Variants in SGO1 observed in about 807,000 individuals in gnomAD.
The protein encoded by SGO1 is serologically defined breast cancer antigen NY-BR-85.
SGO1 carries 39 observed loss-of-function variants against 50.5 expected under a neutral mutation model. The ratio of observed to expected loss-of-function variants is 0.77; its 90% CI spans 0.60 to 1.01. SGO1 has a LOEUF of 1.01. Among genes scored for constraint, SGO1 ranks in the 50% least tolerant of loss-of-function variants. SGO1 has a pLI of 0.00. For missense variants in SGO1, 638 were observed against 606.0 expected, an observed-to-expected ratio of 1.05 and a Z score of -0.55; for synonymous variants, 191 against 205.1, an observed-to-expected ratio of 0.93 and a Z score of 0.59.
chr3:20,161,883 A>T, intron 8 of SGO1, among the ~76,000 whole-genome samples: 1 of 152,228 alleles, frequency 6.6e-6, no homozygotes, highest in East Asian at 1.9e-4. Context: ...AAAGATGGAA[A>T]ATATTAATCA....
intron 6 of SGO1, 140 bp downstream of exon 6, chr3:20,174,109 C>T: frequency 1.4e-6 from 1 of 694,028 alleles, no homozygotes. Context: ...TTAATCAGAC[C>T]ATAACTTCCA....
rs779471839 is a variant in SGO1 at position 20,183,764 on chromosome 3, G to A, written c.183C>T (p.Asn61=). ...STLLKNYQDN[N]KMLVLALENE... ...TTTCCAAAGCTAAAACTAACATTTT[G>A]TTGTTGTCTTGGTAATTTTTCAGCA... The change falls in exon 3 of 8, where the codon AAC becomes AAT. Residue 61 remains asparagine (N), a synonymous_variant. Coordinates refer to ENST00000412997, the MANE Select transcript of SGO1 (RefSeq NM_001199251.3). 29 of 1,612,082 alleles carry A rather than the reference G, an allele frequency of 1.8e-5. No individual in the cohort carries two copies. Among genetic ancestry groups the A allele is most frequent in the Middle Eastern group, 3.3e-4 (2 of 6,050 alleles).
At chr3:20,164,017 T>C (rs923874997) in intron 8 of SGO1, among the ~76,000 whole-genome samples, 1 of 151,296 alleles carries the variant, frequency 6.6e-6, no homozygotes, top group Non-Finnish European at 1.5e-5. Context: ...TCAAGAAAGA[T>C]TATCAATCTA....
At chr3:20,186,753 C>T (rs1702696523), upstream of SGO1, 1 of 152,202 alleles carries the variant, frequency 6.6e-6, no homozygotes, top group South Asian at 2.1e-4. Context: ...GAAATGGCAC[C>T]AACATCCATC....
chr3:20,167,677 T>C (rs1184873454), downstream of SGO1, among the ~76,000 whole-genome samples: 1 of 152,204 alleles, frequency 6.6e-6, no homozygotes, highest in East Asian at 1.9e-4. Context: ...TGATCGACAG[T>C]GTGTGGTGCT....
At chr3:20,172,368 G>C (rs887001702) in intron 6 of SGO1, among the ~76,000 whole-genome samples, 1 of 152,152 alleles carries the variant, frequency 6.6e-6, no homozygotes, top group Admixed American at 6.5e-5. Context: ...GGGCGTGGTG[G>C]CACATGCCTG....
chr3:20,167,472 AT>A (rs1700363590), downstream of SGO1, among the ~76,000 whole-genome samples: 1 of 152,222 alleles, frequency 6.6e-6, no homozygotes, highest in Non-Finnish European at 1.5e-5. Context: ...TGTAGACTAT[AT>A]AAAAAATCCA....
At chr3:20,177,551 C>A (rs558216205) in intron 4 of SGO1, among the ~76,000 whole-genome samples, 1 of 152,282 alleles carries the variant, frequency 6.6e-6, no homozygotes, top group East Asian at 1.9e-4. Flanking sequence ...GATGATGTTA[C>A]TGGGATTCAC....
rs1210232177 is a variant in SGO1 at position 20,169,855 on chromosome 3, G to A, written c.*849C>T. ...AAAATTAAATATAACAGTGGTATAA[G>A]GAATTCATAAACAACTTAGGGTGTA... On this transcript the variant is annotated 3_prime_UTR_variant, in exon 8 of 8. Transcript: ENST00000412997. 22 of 979,108 alleles carry A rather than the reference G, an allele frequency of 2.2e-5. No homozygotes were observed. Among genetic ancestry groups the A allele is most frequent in the Non-Finnish European group, 2.4e-5 (20 of 824,392 alleles). 60.7% of individuals were successfully genotyped at this position (979,108 alleles called of 1,614,324 possible). A position where few individuals can be genotyped will look rare whatever the true frequency, so the allele number is the denominator to read the frequency against.
Position 20,171,210 on chromosome 3 carries a change from C to G in SGO1, c.1305G>C (p.Gln435His). ...TATCCTTCAGGCTAAGATGAGGTGA[C>G]TGCTGAGTTTCAGGTGGTGTAGCTA... is the stretch of plus-strand genomic sequence containing the variant. Reference protein sequence around the residue: ...TPTTTPPETQQSPHLSLKDIT... With the variant: ...TPTTTPPETQHSPHLSLKDIT... The change falls in exon 7 of 8, where the codon CAG (glutamine) becomes CAC (histidine). Residue 435 changes from glutamine (Q) to histidine (H), a missense_variant. By Grantham distance (24) the Gln-to-His change is conservative. Coordinates refer to ENST00000412997, the MANE Select transcript of SGO1 (RefSeq NM_001199251.3). The G allele has an allele frequency of 6.3e-7, 1 of 1,593,988 alleles. No individual in the cohort carries two copies. The highest frequency in any genetic ancestry group is 1.1e-5 in the South Asian group (1 of 87,312).
chr3:20,186,390 G>A (rs554929510), upstream of SGO1: 1 of 152,442 alleles, frequency 6.6e-6, no homozygotes, highest in East Asian at 1.9e-4. Context: ...GTCGGGTCTC[G>A]GCGACCCGCC....
At chr3:20,161,307 A>C in intron 8 of SGO1, 1 of 1,411,832 alleles carries the variant, frequency 7.1e-7, no homozygotes, top group East Asian at 2.7e-5. Context: ...AGGAAAAATA[A>C]GTTCCATGAA....
At chr3:20,165,492 G>A (rs555217490), downstream of SGO1, among the ~76,000 whole-genome samples, 1 of 152,190 alleles carries the variant, frequency 6.6e-6, no homozygotes, top group South Asian at 2.1e-4. Context: ...CAATTCCCAA[G>A]GGAGAAAAAT....
At chr3:20,176,879 C>G (rs977780752) in intron 4 of SGO1, among the ~76,000 whole-genome samples, 1 of 152,160 alleles carries the variant, frequency 6.6e-6, no homozygotes, top group African/African-American at 2.4e-5. Flanking sequence ...CTTGAAGAAC[C>G]AACCTATCAA....
At chr3:20,178,974 A>G (rs193048121) in intron 3 of SGO1, among the ~76,000 whole-genome samples, 133 of 152,340 alleles carry the variant, frequency 8.7e-4, no homozygotes, top group Non-Finnish European at 1.7e-3. Flanking sequence ...CCGGGGGTAG[A>G]AAGAGCTGAG....
At chr3:20,175,245 C>T (rs1484329771) in intron 5 of SGO1, among the ~76,000 whole-genome samples, 190 bp from the exon 6 acceptor site, 1 of 152,146 alleles carries the variant, frequency 6.6e-6, no homozygotes, top group Non-Finnish European at 1.5e-5. Flanking sequence ...CAGTGATCAA[C>T]TGATGGCTTA....
intron 6 of SGO1, among the ~76,000 whole-genome samples, chr3:20,171,597 C>T (rs1196520106): frequency 1.3e-5 from 2 of 152,182 alleles, no homozygotes; most frequent in Non-Finnish European, 2.9e-5. Flanking sequence ...GAACACTTTA[C>T]TAAAACTTAA....
In SGO1 at chr3:20,171,129, T is replaced by G. The variant is rs75326306; in HGVS notation, c.1386A>C (p.Pro462=). The G allele has an allele frequency of 0.014, 22,445 of 1,613,328 alleles. 1,132 individuals carry two copies. The East Asian group carries it at 0.18, about 13-fold the overall frequency. The change falls in exon 7 of 8, where the codon CCA becomes CCC. Residue 462 remains proline (P), a synonymous_variant. Transcript: ENST00000412997. The stretch of plus-strand genomic sequence containing the variant: ...CTGCTGGGCTTGCTTTATTCTTTTT[T>G]GGAGAAAGAGAAAGTCTTCTGATTT... ...VVKIRRLSLS[P]KKNKASPAVA...
chr3:20,183,807 A>G lies in SGO1; in HGVS notation c.143-3T>C. ...TTTCAGCAGTGTAGAAGTGTTGGCTAAAAGAGGATAAAAAAATTTATCAGT... is the reference window on the plus strand; with the variant it reads ...TTTCAGCAGTGTAGAAGTGTTGGCTGAAAGAGGATAAAAAAATTTATCAGT... On this transcript the variant is annotated splice_region_variant and splice_polypyrimidine_tract_variant and intron_variant, in intron 2 of 7. Transcript: ENST00000412997. 2 of 1,602,274 alleles carry G rather than the reference A, an allele frequency of 1.2e-6. No homozygotes were observed. Among genetic ancestry groups the G allele is most frequent in the East Asian group, 4.5e-5 (2 of 44,762 alleles).
Sources: allele counts gnomAD v4.1 joint callset (sites outside exome capture counted in the v4.1 genomes callset), GRCh38; gene constraint gnomAD v4.1.1; transcripts MANE v1.5; gene names NCBI Gene and HGNC (gene_info 2026-07-23, HGNC 2026-07-21).